PTPRM: variants seen among roughly 807,000 people sequenced by gnomAD.
PTPRM encodes protein tyrosine phosphatase receptor type M.
PTPRM carries 47 observed loss-of-function variants against 186.7 expected under a neutral mutation model. That is an observed-to-expected ratio of 0.25 (90% confidence interval 0.20 to 0.32). The LOEUF is 0.32. Ranked by LOEUF, PTPRM falls within the 10% of genes least tolerant of loss-of-function variation. The pLI, the probability that PTPRM is intolerant of heterozygous loss-of-function variation, is 1.00. For synonymous variants in PTPRM, 668 were observed against 674.9 expected, an observed-to-expected ratio of 0.99 and a Z score of 0.16; for missense variants, 1,494 against 1,865.0, an observed-to-expected ratio of 0.80 and a Z score of 3.66.
chr18:7,807,033 A>T (rs1040456263), intron 2 of PTPRM, among the ~76,000 whole-genome samples: 1 of 152,206 alleles, frequency 6.6e-6, no homozygotes, highest in Non-Finnish European at 1.5e-5. Context: ...GCACCTGGGC[A>T]GTGCTTTTTT....
At chr18:8,038,183 C>A (rs191537041) in intron 7 of PTPRM, among the ~76,000 whole-genome samples, 106 of 152,030 alleles carry the variant, frequency 7.0e-4, no homozygotes, top group African/African-American at 2.5e-3. Context: ...GTGCTCTAAC[C>A]CTGGTATCTT....
intron 2 of PTPRM, among the ~76,000 whole-genome samples, chr18:7,810,923 T>A (rs1277962077): frequency 3.3e-5 from 5 of 152,218 alleles, no homozygotes; most frequent in South Asian, 2.1e-4. Flanking sequence ...TTAATTTAAC[T>A]TCATTTTAAA....
At chr18:8,151,101 CG>C (rs1198101896) in intron 14 of PTPRM, among the ~76,000 whole-genome samples, 2 of 152,136 alleles carry the variant, frequency 1.3e-5, no homozygotes, top group Non-Finnish European at 2.9e-5. Context: ...TCAGGATACA[CG>C]GGGGTCAGGG....
At chr18:8,019,107 T>G (rs563616403) in intron 7 of PTPRM, among the ~76,000 whole-genome samples, 2 of 152,200 alleles carry the variant, frequency 1.3e-5, no homozygotes, top group Non-Finnish European at 2.9e-5. Context: ...TCTAGATAGA[T>G]AGTGTCATCA....
intron 14 of PTPRM, among the ~76,000 whole-genome samples, chr18:8,224,614 G>A (rs2094191698): frequency 6.6e-6 from 1 of 152,154 alleles, no homozygotes; most frequent in Non-Finnish European, 1.5e-5. Flanking sequence ...CAGAGACCTG[G>A]ATTTTTATTC....
At chr18:7,759,830 A>C (rs1053730715) in intron 1 of PTPRM, among the ~76,000 whole-genome samples, 3 of 152,238 alleles carry the variant, frequency 2.0e-5, no homozygotes, top group African/African-American at 7.2e-5. Flanking sequence ...ACTTACTCAA[A>C]TAATTGTAGA....
intron 7 of PTPRM, among the ~76,000 whole-genome samples, chr18:8,016,791 T>C (rs2084896781): frequency 6.6e-6 from 1 of 152,200 alleles, no homozygotes; most frequent in South Asian, 2.1e-4. Flanking sequence ...CATTCATTTT[T>C]AAAAGAACGT....
chr18:7,876,497 G>T (rs1389541027), intron 2 of PTPRM, among the ~76,000 whole-genome samples: 1 of 152,138 alleles, frequency 6.6e-6, no homozygotes, highest in Non-Finnish European at 1.5e-5. Context: ...TTGGGGCTGG[G>T]CTCAGCTGAA....
intron 7 of PTPRM, among the ~76,000 whole-genome samples, chr18:8,008,068 C>A (rs575778372): frequency 4.6e-5 from 7 of 152,090 alleles, no homozygotes; most frequent in Non-Finnish European, 1.0e-4. Flanking sequence ...GGAAATTATT[C>A]CTGAAATCCC....
intron 19 of PTPRM, among the ~76,000 whole-genome samples, chr18:8,260,559 G>T (rs777016563): frequency 1.3e-5 from 2 of 152,074 alleles, no homozygotes; most frequent in Non-Finnish European, 2.9e-5. Context: ...ATTCATGAGG[G>T]ATCTACTCCC....
intron 14 of PTPRM, among the ~76,000 whole-genome samples, chr18:8,209,216 A>G (rs929382518): frequency 3.9e-5 from 6 of 152,212 alleles, no homozygotes; most frequent in South Asian, 2.1e-4. Context: ...TGTGTTAAGC[A>G]TAGACCAAGA....
At position 7,580,840 on chromosome 18, in the gene PTPRM, A is replaced by ATCCTCCTGTATTGAAGTGTGC. The variant is rs2036825574; in HGVS notation, c.73+12952_73+12972dup. Among the ~76,000 whole-genome samples, 15 of 152,316 alleles carry ATCCTCCTGTATTGAAGTGTGC rather than the reference A, an allele frequency of 9.8e-5. 1 individual carries two copies. In the South Asian group the frequency reaches 3.1e-3, roughly 32 times the overall value. ...CTGATTTATGCTTTACTTTGATGCC[A>ATCCTCCTGTATTGAAGTGTGC]TCCTCCTGTATTGAAGTGTGCTCTA... On this transcript the variant is annotated intron_variant, in intron 1 of 32. Coordinates refer to ENST00000580170, the MANE Select transcript of PTPRM (RefSeq NM_001105244.2).
intron 14 of PTPRM, among the ~76,000 whole-genome samples, chr18:8,157,892 C>T (rs2146307970): frequency 6.6e-6 from 1 of 152,328 alleles, no homozygotes; most frequent in African/African-American, 2.4e-5. Context: ...AACAGAAGGA[C>T]AGCATCACTG....
chr18:8,279,288 G>A (rs369384761), intron 19 of PTPRM, among the ~76,000 whole-genome samples: 9 of 152,244 alleles, frequency 5.9e-5, no homozygotes, highest in Non-Finnish European at 8.8e-5. Context: ...GGCATGAAAC[G>A]GCATCTGTGC....
chr18:8,228,032 T>G (rs1405686876), intron 14 of PTPRM, among the ~76,000 whole-genome samples: 1 of 152,242 alleles, frequency 6.6e-6, no homozygotes, highest in Non-Finnish European at 1.5e-5. Flanking sequence ...TTTTTATGGC[T>G]GACTTATTTC....
chr18:8,226,556 G>A (rs1482998371), intron 14 of PTPRM, among the ~76,000 whole-genome samples: 1 of 152,196 alleles, frequency 6.6e-6, no homozygotes, highest in Admixed American at 6.5e-5. Flanking sequence ...GTAGGCCCTT[G>A]TTGGGAAGAA....
intron 13 of PTPRM, among the ~76,000 whole-genome samples, chr18:8,136,076 A>G (rs1354487117): frequency 6.6e-6 from 1 of 152,224 alleles, no homozygotes; most frequent in Non-Finnish European, 1.5e-5. Flanking sequence ...AGAAATTTTG[A>G]GAGACAGTAG....
chr18:8,336,910 G>T (rs866952829), intron 22 of PTPRM, among the ~76,000 whole-genome samples: 1 of 149,240 alleles, frequency 6.7e-6, no homozygotes, highest in African/African-American at 2.5e-5. Flanking sequence ...CCAGGAGATG[G>T]AGGTTGCAGT....
chr18:8,350,411 T>C (rs2095528349), intron 23 of PTPRM, among the ~76,000 whole-genome samples: 1 of 152,192 alleles, frequency 6.6e-6, no homozygotes, highest in South Asian at 2.1e-4. Context: ...TGTATGACTC[T>C]GTTGTGTGAT....
Sources: allele counts gnomAD v4.1 joint callset (sites outside exome capture counted in the v4.1 genomes callset), GRCh38; gene constraint gnomAD v4.1.1; transcripts MANE v1.5; gene names NCBI Gene and HGNC (gene_info 2026-07-23, HGNC 2026-07-21).